The following RASEF variants were observed in gnomAD, a reference collection of about 807,000 sequenced individuals.
RASEF encodes the protein ras and EF-hand domain-containing protein.
In RASEF, 68 loss-of-function variants were observed where a neutral mutation model predicts 90.1. The ratio of observed to expected loss-of-function variants is 0.75; its 90% CI spans 0.62 to 0.92. The LOEUF (loss-of-function observed/expected upper bound fraction) is 0.92. Ranked by LOEUF, RASEF falls within the 40% of genes least tolerant of loss-of-function variation. RASEF has a pLI of 0.00. For synonymous variants in RASEF, 331 were observed against 345.2 expected (o/e 0.96, Z 0.46); for missense variants, 949 against 937.2 (o/e 1.01, Z -0.16).
chr9:83,202,338 CAG>C, the RASEF span, among the ~76,000 whole-genome samples: 1 of 152,068 alleles, frequency 6.6e-6, no homozygotes, highest in African/African-American at 2.4e-5. Context: ...AAAGAGAAAA[CAG>C]AACTATAAAT....
chr9:83,083,690 C>T, the RASEF span, among the ~76,000 whole-genome samples: 2 of 152,060 alleles, frequency 1.3e-5, no homozygotes, highest in Non-Finnish European at 1.5e-5. Context: ...TAAAATAAGA[C>T]ACCCCCTATG....
At chr9:83,131,496 T>C in the RASEF span, among the ~76,000 whole-genome samples, 1 of 152,152 alleles carries the variant, frequency 6.6e-6, no homozygotes, top group Non-Finnish European at 1.5e-5. Context: ...CACTGAAACA[T>C]AATCTCAAAA....
In RASEF at chr9:83,025,761, A is replaced by G. The variant is rs1402521075; in HGVS notation, c.578+14T>C. ...AGCACCCACAGGCCACTTATAAAGG[A>G]AGGACTTCAATACCTCTTCACCGCA... On this transcript the variant is annotated intron_variant, in intron 2 of 16. Transcript: ENST00000376447. 1 of 1,611,616 alleles carries G rather than the reference A, an allele frequency of 6.2e-7. No homozygotes were observed. The highest frequency in any genetic ancestry group is 8.5e-7 in the Non-Finnish European group (1 of 1,179,042).
chr9:83,011,363 C>T (rs145439465), intron 5 of RASEF, among the ~76,000 whole-genome samples: 2,195 of 151,930 alleles, frequency 0.014, 46 homozygotes, highest in African/African-American at 0.051. Flanking sequence ...ACCACCCTGG[C>T]CAACACGGTG....
chr9:83,063,069 A>T lies in RASEF; in HGVS notation c.-202T>A. 1 of 537,554 alleles carries T rather than the reference A, an allele frequency of 1.9e-6. No homozygotes were observed. Among genetic ancestry groups the T allele is most frequent in the Non-Finnish European group, 3.1e-6 (1 of 325,036 alleles). 33.3% of individuals were successfully genotyped at this position (537,554 alleles called of 1,614,324 possible). ...GCTCCCTTCGACGACGGTTCGGGCCAGCCCCCAACAGGTCCCGGGAGCGGT... is the reference window on the plus strand; with the variant it reads ...GCTCCCTTCGACGACGGTTCGGGCCTGCCCCCAACAGGTCCCGGGAGCGGT... On this transcript the variant is annotated 5_prime_UTR_variant, in exon 1 of 17. Coordinates refer to ENST00000376447, the MANE Select transcript of RASEF (RefSeq NM_152573.4).
chr9:82,986,847 A>G (rs901001344), intron 16 of RASEF, among the ~76,000 whole-genome samples: 20 of 152,222 alleles, frequency 1.3e-4, no homozygotes, highest in Admixed American at 9.8e-4. Flanking sequence ...CTGGTGATGG[A>G]AAATTTACTT....
the RASEF span, among the ~76,000 whole-genome samples, chr9:83,099,407 C>T: frequency 4.7e-4 from 72 of 152,236 alleles, no homozygotes; most frequent in African/African-American, 1.6e-3. Context: ...AAATCATAGG[C>T]GAGATCCTGT....
the RASEF span, among the ~76,000 whole-genome samples, chr9:83,204,584 A>G: frequency 1.1e-4 from 16 of 152,338 alleles, no homozygotes; most frequent in East Asian, 3.1e-3. Flanking sequence ...TTCCAAAGAC[A>G]TTGGACGAAA....
the RASEF span, among the ~76,000 whole-genome samples, chr9:83,180,483 CT>C: frequency 0.011 from 1,547 of 146,876 alleles, 26 homozygotes; most frequent in African/African-American, 0.035. Context: ...GTAAACATTA[CT>C]TTTTTTTTTT....
At chr9:83,039,751 A>G (rs1248134005) in intron 1 of RASEF, among the ~76,000 whole-genome samples, 1 of 152,170 alleles carries the variant, frequency 6.6e-6, no homozygotes, top group East Asian at 1.9e-4. Flanking sequence ...CATTGTTTTC[A>G]ATGGGGATGC....
chr9:83,116,500 G>T, the RASEF span, among the ~76,000 whole-genome samples: 1 of 151,140 alleles, frequency 6.6e-6, no homozygotes, highest in African/African-American at 2.5e-5. Flanking sequence ...GAAATACTGG[G>T]AATGAACAGT....
At chr9:83,184,380 A>G in the RASEF span, among the ~76,000 whole-genome samples, 1 of 152,160 alleles carries the variant, frequency 6.6e-6, no homozygotes, top group South Asian at 2.1e-4. Context: ...GCAGGGGTAA[A>G]TGAGATGGGA....
the RASEF span, among the ~76,000 whole-genome samples, chr9:83,127,730 G>A: frequency 5.3e-5 from 8 of 152,304 alleles, no homozygotes; most frequent in South Asian, 1.7e-3. Flanking sequence ...TCCTTTGTCT[G>A]CTAGGAGCTC....
chr9:83,141,703 G>T, the RASEF span, among the ~76,000 whole-genome samples: 4 of 152,156 alleles, frequency 2.6e-5, no homozygotes, highest in Admixed American at 6.5e-5. Flanking sequence ...GATTTGGAGT[G>T]GTAGAGATAC....
At chr9:83,048,098 T>C in intron 1 of RASEF, 1 of 984,886 alleles carries the variant, frequency 1.0e-6, no homozygotes, top group Non-Finnish European at 1.2e-6. Flanking sequence ...AGACTCCACA[T>C]CACTGGGTCA....
the RASEF span, among the ~76,000 whole-genome samples, chr9:83,108,769 C>G: frequency 6.6e-6 from 1 of 152,306 alleles, no homozygotes. Context: ...GATTGAACTT[C>G]TATTTCACAC....
chr9:83,129,243 A>G, the RASEF span, among the ~76,000 whole-genome samples: 13 of 151,978 alleles, frequency 8.6e-5, no homozygotes, highest in Non-Finnish European at 1.3e-4. Context: ...TGTCTCTACT[A>G]AAAATACAAA....
At chr9:82,986,654 C>G (rs1014141360) in intron 16 of RASEF, among the ~76,000 whole-genome samples, 5 of 152,226 alleles carry the variant, frequency 3.3e-5, no homozygotes, top group African/African-American at 9.6e-5. Context: ...ATCTACCATA[C>G]GCTTAACAAC....
At chr9:83,141,098 A>G in the RASEF span, among the ~76,000 whole-genome samples, 1 of 150,734 alleles carries the variant, frequency 6.6e-6, no homozygotes, top group African/African-American at 2.4e-5. Context: ...AGCCGATATC[A>G]CACCATTGCA....
Sources: gnomAD v4.1 joint callset for allele counts (sites outside exome capture counted in the v4.1 genomes callset) on GRCh38, gnomAD v4.1.1 for gene constraint, MANE v1.5 for transcripts, NCBI Gene and HGNC (gene_info 2026-07-23, HGNC 2026-07-21) for gene names.